The following KLHL29 variants were observed in gnomAD, a reference collection of about 807,000 sequenced individuals.
KLHL29 encodes kelch-like protein 29.
In KLHL29, 21 loss-of-function variants were observed where a neutral mutation model predicts 80.4. The observed-to-expected ratio is 0.26, with a 90% CI of 0.19 to 0.38. KLHL29 has a LOEUF of 0.38. Among genes scored for constraint, KLHL29 ranks in the 10% least tolerant of loss-of-function variants. KLHL29 has a pLI of 1.00. For missense variants in KLHL29, 867 were observed against 1,223.9 expected, an observed-to-expected ratio of 0.71 and a Z score of 4.35; for synonymous variants, 511 against 526.8, an observed-to-expected ratio of 0.97 and a Z score of 0.41.
rs76754379 is a variant in KLHL29, at chr2:23,680,334, G to A, written c.941-4065G>A. Reference sequence around the variant, plus strand: ...CGGGAAGAGGAGCTCCATGCTGGGCGCTGAGTCGAGCATCCTGGGCATGCA... The same window carrying A: ...CGGGAAGAGGAGCTCCATGCTGGGCACTGAGTCGAGCATCCTGGGCATGCA... On this transcript the variant is annotated intron_variant, in intron 5 of 13. Coordinates refer to ENST00000486442, the MANE Select transcript of KLHL29 (RefSeq NM_052920.2). This position sits in a 1 kb window ranked among gnomAD's most constrained non-coding sequence, Gnocchi z 4.1. Among the ~76,000 whole-genome samples the A allele has an allele frequency of 3.8e-3, 575 of 152,252 alleles. 9 individuals are homozygous for A. The East Asian group carries it at 0.051, about 13-fold the overall frequency.
chr2:23,475,547 C>A lies in KLHL29; in HGVS notation c.-153-13C>A, dbSNP rs982021431. ...CCCCACCCCTACCCCACTGTTTTTCCCTCTCTTTCTAGACTATCTGGCTTC... is the reference window on the plus strand; with the variant it reads ...CCCCACCCCTACCCCACTGTTTTTCACTCTCTTTCTAGACTATCTGGCTTC... On this transcript the variant is annotated splice_polypyrimidine_tract_variant and intron_variant, in intron 1 of 13. Coordinates refer to ENST00000486442, the MANE Select transcript of KLHL29 (RefSeq NM_052920.2). The A allele has an allele frequency of 1.2e-5, 2 of 166,626 alleles. No homozygotes were observed. Among genetic ancestry groups the A allele is most frequent in the Non-Finnish European group, 2.9e-5 (2 of 68,062 alleles). 10.3% of individuals were successfully genotyped at this position (166,626 alleles called of 1,614,324 possible). A position where few individuals can be genotyped will look rare whatever the true frequency, so the allele number is the denominator to read the frequency against.
intron 2 of KLHL29, among the ~76,000 whole-genome samples, chr2:23,541,324 C>T (rs115819454): frequency 6.6e-6 from 1 of 152,312 alleles, no homozygotes; most frequent in Non-Finnish European, 1.5e-5. Context: ...AGTTATATGC[C>T]TAGCTATGGA....
At chr2:23,422,813 A>C (rs563868246) in intron 1 of KLHL29, among the ~76,000 whole-genome samples, 1 of 152,166 alleles carries the variant, frequency 6.6e-6, no homozygotes, top group East Asian at 1.9e-4. Flanking sequence ...TGCAGTCTGC[A>C]TGTGCAGGTG....
chr2:23,387,623 C>G (rs1172920858), intron 1 of KLHL29, among the ~76,000 whole-genome samples: 1 of 151,842 alleles, frequency 6.6e-6, no homozygotes, highest in Admixed American at 6.6e-5. Flanking sequence ...TTCTTTCCGA[C>G]ACTTAGAGAA....
intron 1 of KLHL29, among the ~76,000 whole-genome samples, chr2:23,434,319 T>C (rs1283423722): frequency 5.9e-5 from 1 of 16,972 alleles, no homozygotes; most frequent in African/African-American, 3.1e-4. Flanking sequence ...AGACTCCGTC[T>C]CAAAAAAAAA....
chr2:23,485,165 A>T (rs1310795396), intron 2 of KLHL29, among the ~76,000 whole-genome samples: 1 of 152,090 alleles, frequency 6.6e-6, no homozygotes, highest in African/African-American at 2.4e-5. Context: ...TGAATGGAAA[A>T]AGTCAGTTCC....
At chr2:23,495,465 T>C (rs1665234337) in intron 2 of KLHL29, among the ~76,000 whole-genome samples, 1 of 152,194 alleles carries the variant, frequency 6.6e-6, no homozygotes, top group Non-Finnish European at 1.5e-5. Flanking sequence ...TTTTCATGAA[T>C]GTCTGAAATG....
chr2:23,438,971 A>AC (rs1663429184), intron 1 of KLHL29, among the ~76,000 whole-genome samples: 1 of 146,356 alleles, frequency 6.8e-6, no homozygotes, highest in African/African-American at 2.6e-5. Flanking sequence ...GCTATTGATT[A>AC]TTGCCACAAT....
chr2:23,442,428 G>A (rs1663553991), intron 1 of KLHL29, among the ~76,000 whole-genome samples: 1 of 152,146 alleles, frequency 6.6e-6, no homozygotes, highest in Admixed American at 6.5e-5. Flanking sequence ...AGACAGGAGA[G>A]TCAGAGTCAG....
intron 1 of KLHL29, among the ~76,000 whole-genome samples, chr2:23,426,657 C>T (rs1663012521): frequency 6.6e-6 from 1 of 152,226 alleles, no homozygotes. Flanking sequence ...TGAGTCACGT[C>T]TCTAAATGGG....
intron 1 of KLHL29, among the ~76,000 whole-genome samples, chr2:23,454,237 G>A (rs554288197): frequency 7.8e-5 from 9 of 115,080 alleles, no homozygotes; most frequent in African/African-American, 1.7e-4. Context: ...CTCCCGCCCC[G>A]GCCCCTTGAG....
intron 2 of KLHL29, among the ~76,000 whole-genome samples, chr2:23,557,976 G>C (rs1349701763): frequency 6.6e-6 from 1 of 152,178 alleles, no homozygotes. Flanking sequence ...TCTTCCATCA[G>C]ATGGTGGCAC....
At chr2:23,590,640 G>A (rs998572258) in intron 3 of KLHL29, among the ~76,000 whole-genome samples, 2 of 152,128 alleles carry the variant, frequency 1.3e-5, no homozygotes, top group Non-Finnish European at 2.9e-5. Context: ...ACACACAGAG[G>A]CTGCGGATCC....
chr2:23,492,746 A>G (rs974256230), intron 2 of KLHL29, among the ~76,000 whole-genome samples: 3 of 152,188 alleles, frequency 2.0e-5, no homozygotes, highest in African/African-American at 7.2e-5. Flanking sequence ...GGAAGGAAAA[A>G]GAGAGGTGAT....
At chr2:23,655,612 G>A (rs928779216) in intron 5 of KLHL29, among the ~76,000 whole-genome samples, 3 of 152,136 alleles carry the variant, frequency 2.0e-5, no homozygotes, top group Non-Finnish European at 4.4e-5. Flanking sequence ...AAGTGATACC[G>A]ATGATCCATG....
At chr2:23,568,774 A>G (rs563911196) in intron 3 of KLHL29, among the ~76,000 whole-genome samples, 65 of 152,304 alleles carry the variant, frequency 4.3e-4, no homozygotes, top group African/African-American at 1.5e-3. Context: ...CATTTTTGCA[A>G]TCTACCCATG....
chr2:23,400,506 T>C (rs532869773), intron 1 of KLHL29, among the ~76,000 whole-genome samples: 1 of 152,208 alleles, frequency 6.6e-6, no homozygotes, highest in South Asian at 2.1e-4. Context: ...CTGGGCAGTA[T>C]CTTATCTCAT....
chr2:23,399,110 C>T (rs1288130491), intron 1 of KLHL29, among the ~76,000 whole-genome samples: 1 of 152,198 alleles, frequency 6.6e-6, no homozygotes, highest in African/African-American at 2.4e-5. Flanking sequence ...CTGTGGACAA[C>T]TCCAATAAAT....
intron 1 of KLHL29, among the ~76,000 whole-genome samples, chr2:23,388,022 C>A (rs1391189222): frequency 6.6e-6 from 1 of 152,138 alleles, no homozygotes; most frequent in Non-Finnish European, 1.5e-5. Context: ...AAGCAGCAAT[C>A]CAAACGAAAT....
Sources: gnomAD v4.1 joint callset for allele counts (sites outside exome capture counted in the v4.1 genomes callset) on GRCh38, gnomAD v4.1.1 for gene constraint, Gnocchi (gnomAD v3.1) non-coding constraint, MANE v1.5 for transcripts, NCBI Gene and HGNC (gene_info 2026-07-23, HGNC 2026-07-21) for gene names.